Variants in CEMIP2 observed in about 807,000 individuals in gnomAD.
CEMIP2 encodes the protein cell migration inducing hyaluronidase 2, also known as cell surface hyaluronidase CEMIP2.
In CEMIP2, 79 loss-of-function variants were observed where a neutral mutation model predicts 146.9. The ratio of observed to expected loss-of-function variants is 0.54; its 90% CI spans 0.45 to 0.65. The LOEUF (loss-of-function observed/expected upper bound fraction) is 0.65. Among genes scored for constraint, CEMIP2 ranks in the 30% least tolerant of loss-of-function variants. The pLI is 0.00. For missense variants in CEMIP2, 1,596 were observed against 1,696.2 expected, an observed-to-expected ratio of 0.94 and a Z score of 1.04; for synonymous variants, 601 against 606.3, an observed-to-expected ratio of 0.99 and a Z score of 0.13.
intron 18 of CEMIP2, among the ~76,000 whole-genome samples, chr9:71,701,395 C>T (rs369441698): frequency 1.3e-3 from 200 of 152,034 alleles, no homozygotes; most frequent in Non-Finnish European, 2.0e-3. Flanking sequence ...CGTGAGCCAC[C>T]GTGTCCAGCC....
chr9:71,765,727 T>C (rs771533775), intron 1 of CEMIP2, among the ~76,000 whole-genome samples: 14 of 152,206 alleles, frequency 9.2e-5, no homozygotes, highest in Non-Finnish European at 1.8e-4. Context: ...CATTTCCTTA[T>C]GTCCGGGGCT....
intron 20 of CEMIP2, among the ~76,000 whole-genome samples, chr9:71,695,410 C>A (rs531706953): frequency 6.6e-6 from 1 of 152,274 alleles, no homozygotes; most frequent in East Asian, 1.9e-4. Context: ...CATGGTAGTT[C>A]ATGCCTGTAA....
intron 17 of CEMIP2, among the ~76,000 whole-genome samples, chr9:71,706,919 CT>C (rs1409625871): frequency 3.3e-5 from 5 of 152,268 alleles, no homozygotes; most frequent in African/African-American, 1.2e-4. Context: ...AACTCTGCCC[CT>C]GGGTTCAAGC....
At chr9:71,750,901 G>A (rs544347458) in intron 1 of CEMIP2, among the ~76,000 whole-genome samples, 2 of 151,918 alleles carry the variant, frequency 1.3e-5, no homozygotes, top group South Asian at 4.1e-4. Flanking sequence ...TACATCCCAC[G>A]ATGATTGGCT....
intron 17 of CEMIP2, among the ~76,000 whole-genome samples, chr9:71,705,709 CAATATAT>C (rs1447422269): frequency 6.7e-6 from 1 of 149,728 alleles, no homozygotes; most frequent in Non-Finnish European, 1.5e-5. Context: ...AATATATACT[CAATATAT>C]AATATATATT....
intron 15 of CEMIP2, among the ~76,000 whole-genome samples, chr9:71,713,878 C>T (rs1309107210): frequency 6.6e-6 from 1 of 152,170 alleles, no homozygotes; most frequent in East Asian, 1.9e-4. Flanking sequence ...CAGGGCCTGA[C>T]ATATCATAAG....
In CEMIP2 at chr9:71,694,577, A is replaced by T; in HGVS notation, c.3628T>A (p.Tyr1210Asn). The T allele has an allele frequency of 6.2e-7, 1 of 1,613,934 alleles. No homozygotes were observed. The highest frequency in any genetic ancestry group is 8.5e-7 in the Non-Finnish European group (1 of 1,179,842). ...VVFTSDPHKS[Y>N]LPVQFQSPDK... ...GGTGACTGGAATTGCACAGGGAGGT[A>T]ACTTTTATGAGGATCACTAGTAAAC... Residue 1210 changes from tyrosine (Y) to asparagine (N), a missense_variant, in exon 21 of 24, where the codon TAC becomes AAC. Physicochemically the swap from Tyr to Asn is moderately radical, Grantham distance 143. Transcript: ENST00000377044.
chr9:71,713,330 T>G (rs979366660), intron 15 of CEMIP2, among the ~76,000 whole-genome samples: 1 of 152,162 alleles, frequency 6.6e-6, no homozygotes, highest in African/African-American at 2.4e-5. Context: ...TCTTTTTGCC[T>G]GCTGCCATCC....
At chr9:71,755,959 C>CA (rs1824424107) in intron 1 of CEMIP2, among the ~76,000 whole-genome samples, 2 of 39,036 alleles carry the variant, frequency 5.1e-5, no homozygotes, top group Non-Finnish European at 8.0e-5. Context: ...GACTCTGTCT[C>CA]ACAAAAAAAA....
chr9:71,717,205 C>G (rs1471410279), intron 13 of CEMIP2, among the ~76,000 whole-genome samples: 1 of 152,034 alleles, frequency 6.6e-6, no homozygotes, highest in Non-Finnish European at 1.5e-5. Context: ...AGGAACAGTG[C>G]CTGGCAAACA....
At position 71,690,729 on chromosome 9, in the gene CEMIP2, G is replaced by C. The variant is rs190543920; in HGVS notation, c.3697-483C>G. Among the ~76,000 whole-genome samples, 699 of 152,276 alleles carry C rather than the reference G, an allele frequency of 4.6e-3. 5 individuals carry two copies. Among genetic ancestry groups the C allele is most frequent in the African/African-American group, 0.016 (661 of 41,558 alleles). ...AATTCCACGTTAGTTTATATTTGTAGTTTGCTACAAATAATAGCTCTCCTC... is the reference window on the plus strand; with the variant it reads ...AATTCCACGTTAGTTTATATTTGTACTTTGCTACAAATAATAGCTCTCCTC... On this transcript the variant is annotated intron_variant, in intron 21 of 23. Coordinates refer to ENST00000377044, the MANE Select transcript of CEMIP2 (RefSeq NM_013390.3).
At chr9:71,728,233 A>ATATATATATATATGTATATACACG (rs1823459048) in intron 10 of CEMIP2, among the ~76,000 whole-genome samples, 2 of 17,870 alleles carry the variant, frequency 1.1e-4, no homozygotes, top group Non-Finnish European at 2.7e-4. Context: ...CTCTCTCTCT[A>ATATATATATATATGTATATACACG]TATATATATA....
Position 71,685,293 on chromosome 9 carries a change from G to A in CEMIP2, c.4056C>T (p.Phe1352=). ...CATATTCGTCCAGCTGCAAAGGTAT[G>A]AATTGTTCAAGCACCCCAAGGCCCT... ...AGQGLGVLEQ[F]IPLQLDEYGC... is the part of the protein sequence containing the mutation. Residue 1352 remains phenylalanine, a synonymous_variant, in exon 24 of 24, where the codon TTC becomes TTT. Transcript: ENST00000377044. 1 of 1,608,786 alleles carries A rather than the reference G, an allele frequency of 6.2e-7. No homozygotes were observed. The highest frequency in any genetic ancestry group is 8.5e-7 in the Non-Finnish European group (1 of 1,179,522).
chr9:71,702,261 G>GAAA (rs67059194), intron 18 of CEMIP2, among the ~76,000 whole-genome samples: 1,390 of 106,060 alleles, frequency 0.013, 25 homozygotes, highest in African/African-American at 0.031. Flanking sequence ...TTGTCTCAAG[G>GAAA]AAAAAAAAAA....
chr9:71,684,459 T>C lies in CEMIP2; in HGVS notation c.*738A>G, dbSNP rs963140588. 5 of 152,624 alleles carry C rather than the reference T, an allele frequency of 3.3e-5. No homozygotes were observed. Among genetic ancestry groups the C allele is most frequent in the African/African-American group, 1.2e-4 (5 of 41,440 alleles). 9.5% of individuals were successfully genotyped at this position (152,624 alleles called of 1,614,324 possible). A position where few individuals can be genotyped will look rare whatever the true frequency, so the allele number is the denominator to read the frequency against. The stretch of plus-strand genomic sequence containing the variant: ...ACACAAATATACAGTCAAAAGAGGC[T>C]AAGGATTAAAGCTGCAAAAATGGTC... On this transcript the variant is annotated 3_prime_UTR_variant, in exon 24 of 24. Transcript: ENST00000377044.
chr9:71,701,048 A>G (rs933362366), intron 18 of CEMIP2, among the ~76,000 whole-genome samples: 2 of 152,286 alleles, frequency 1.3e-5, no homozygotes, highest in Admixed American at 1.3e-4. Flanking sequence ...CAAATTTCTC[A>G]TATCAATAGA....
chr9:71,717,064 C>T (rs898526099), intron 13 of CEMIP2, among the ~76,000 whole-genome samples: 9 of 152,002 alleles, frequency 5.9e-5, no homozygotes, highest in African/African-American at 9.7e-5. Flanking sequence ...CCCAGCTACT[C>T]GGGAGGCTAA....
At chr9:71,758,060 CCTATT>C (rs1824517514) in intron 1 of CEMIP2, among the ~76,000 whole-genome samples, 1 of 152,086 alleles carries the variant, frequency 6.6e-6, no homozygotes, top group Non-Finnish European at 1.5e-5. Context: ...TAATGTATCA[CCTATT>C]CTATTCCCAG....
In CEMIP2 at chr9:71,712,259, T is replaced by C. The variant is rs1438875590; in HGVS notation, c.2593A>G (p.Thr865Ala). Reference protein sequence around the residue: ...QKPRTLPRNRTFPIRGFQIYD... With the variant: ...QKPRTLPRNRAFPIRGFQIYD... ...ATCTGAAAGCCTCTAATTGGGAACGTCCTGTGGAAATACAAGATTTTGTTT... is the reference window on the plus strand; with the variant it reads ...ATCTGAAAGCCTCTAATTGGGAACGCCCTGTGGAAATACAAGATTTTGTTT... Residue 865 changes from threonine (T) to alanine (A), a missense_variant and splice_region_variant, in exon 16 of 24, where the codon ACG becomes GCG. Physicochemically the swap from Thr to Ala is moderately conservative, Grantham distance 58 (BLOSUM62 0). Transcript: ENST00000377044. 1 of 1,613,522 alleles carries C rather than the reference T, an allele frequency of 6.2e-7. No individual in the cohort carries two copies. The highest frequency in any genetic ancestry group is 8.5e-7 in the Non-Finnish European group (1 of 1,179,856).
Sources: gnomAD v4.1 joint callset for allele counts (sites outside exome capture counted in the v4.1 genomes callset) on GRCh38, gnomAD v4.1.1 for gene constraint, MANE v1.5 for transcripts, NCBI Gene and HGNC (gene_info 2026-07-23, HGNC 2026-07-21) for gene names.